RBM42: variants seen among roughly 807,000 people sequenced by gnomAD.
RBM42 encodes RNA-binding protein 42.
In RBM42, 21 loss-of-function variants were observed where a neutral mutation model predicts 41.4. The observed-to-expected ratio is 0.51, with a 90% confidence interval of 0.36 to 0.73. The LOEUF (loss-of-function observed/expected upper bound fraction) is 0.73. Among genes scored for constraint, RBM42 ranks in the 30% least tolerant of loss-of-function variants. The pLI, the probability that RBM42 is intolerant of heterozygous loss-of-function variation, is 0.00. For synonymous variants in RBM42, 272 were observed against 271.2 expected (o/e 1.00, Z -0.03); for missense variants, 539 against 680.4 (o/e 0.79, Z 2.31).
rs1017096680 is a variant in RBM42, at chr19:35,634,164, G to A, written c.1018-92G>A. On this transcript the variant is annotated intron_variant, in intron 7 of 9. Transcript: ENST00000262633. ...TGCCCCACATCCAGAAGCACATCCA[G>A]CCCTTACTGTGGTGGCAGGAGGGCC... 1.0e-5 allele frequency: 16 copies of A among 1,562,596 alleles called. No homozygotes were observed. In the African/African-American group the frequency reaches 1.9e-4, roughly 19 times the overall value.
chr19:35,633,916 T>C lies in RBM42; in HGVS notation c.914T>C (p.Val305Ala), dbSNP rs757992814. Residue 305 changes from valine to alanine, a missense_variant, in exon 7 of 10, where the codon GTC (valine) becomes GCC (alanine). By Grantham distance (64) the Val-to-Ala change is moderately conservative (BLOSUM62 0). Transcript: ENST00000262633. Reference protein sequence around the residue: ...PEPLPLPLEVVRGLLPPLRIP... With the variant: ...PEPLPLPLEVARGLLPPLRIP... ...CCCCTGCCCCTCCCGTTGGAGGTCG[T>C]CCGCGGCCTCCTGCCCCCGCTGCGC... 3 of 1,590,934 alleles carry C rather than the reference T, an allele frequency of 1.9e-6. No individual in the cohort carries two copies. The highest frequency in any genetic ancestry group is 1.7e-6 in the Non-Finnish European group (2 of 1,173,178).
intron 6 of RBM42, 41 bp from the exon 7 acceptor site, chr19:35,633,645 GC>G (rs1313900995): frequency 4.3e-6 from 6 of 1,387,954 alleles, no homozygotes; most frequent in Middle Eastern, 1.9e-4. Context: ...TAAAGTCTGA[GC>G]CTGTGAGCCG....
intron 4 of RBM42, 130 bp downstream of exon 4, chr19:35,631,535 G>C: frequency 1.2e-6 from 1 of 858,082 alleles, no homozygotes; most frequent in Non-Finnish European, 1.8e-6. Flanking sequence ...TCATCCTAAA[G>C]CACGAACCTG....
Position 35,629,589 on chromosome 19 carries a change from C to A in RBM42, c.198C>A (p.Val66=). ...IPTAVPAVPT[V]PTVPTVEAMQ... is the part of the protein sequence containing the mutation. Reference sequence around the variant, plus strand: ...CTGCTGTGCCTGCGGTGCCCACTGTCCCCACGGTCCCCACAGTAGAAGCGA... The same window carrying A: ...CTGCTGTGCCTGCGGTGCCCACTGTACCCACGGTCCCCACAGTAGAAGCGA... Residue 66 remains valine (V), a synonymous_variant, in exon 2 of 10, where the codon GTC becomes GTA. Coordinates refer to ENST00000262633, the MANE Select transcript of RBM42 (RefSeq NM_024321.5). 1 of 1,613,830 alleles carries A rather than the reference C, an allele frequency of 6.2e-7. No individual in the cohort carries two copies. The highest frequency in any genetic ancestry group is 8.5e-7 in the Non-Finnish European group (1 of 1,179,706).
In RBM42 at chr19:35,632,992, C is replaced by CAGAGAGCAG. The variant is rs1568334376; in HGVS notation, c.500_508dup (p.Ala169_Asp170insGluArgAla). 6.2e-7 allele frequency: 1 copy of CAGAGAGCAG among 1,610,060 alleles called. No individual in the cohort carries two copies. The highest frequency in any genetic ancestry group is 2.2e-5 in the East Asian group (1 of 44,854). ...TCCAGCCTTCGTCCCCCACGTGCTA[C>CAGAGAGCAG]AGAGAGCAGGTGAGGGGCCAGGGTC... On this transcript the variant is annotated inframe_insertion, in exon 5 of 10. Transcript: ENST00000262633.
Position 35,637,007 on chromosome 19 carries a change from T to C in RBM42, c.1136-151T>C. The stretch of plus-strand genomic sequence containing the variant: ...ACACCCCTCCAGGTGCCAGCAGAGC[T>C]CCTGGCGCAGGGTCAGTAGGTGTTG... On this transcript the variant is annotated intron_variant, in intron 8 of 9. Coordinates refer to ENST00000262633, the MANE Select transcript of RBM42 (RefSeq NM_024321.5). This position sits in a 1 kb window ranked among gnomAD's most constrained non-coding sequence, Gnocchi z 7.0. The C allele has an allele frequency of 1.5e-6, 1 of 686,356 alleles. No homozygotes were observed. Among genetic ancestry groups the C allele is most frequent in the Non-Finnish European group, 2.4e-6 (1 of 415,056 alleles). The allele number at this position is 686,356 out of a possible 1,614,324, so 42.5% of individuals were successfully genotyped here.
At position 35,637,148 on chromosome 19, in the gene RBM42, C is replaced by G. The variant is rs750725087; in HGVS notation, c.1136-10C>G. 1 of 1,607,594 alleles carries G rather than the reference C, an allele frequency of 6.2e-7. No individual in the cohort carries two copies. The highest frequency in any genetic ancestry group is 8.5e-7 in the Non-Finnish European group (1 of 1,176,544). On this transcript the variant is annotated splice_polypyrimidine_tract_variant and intron_variant, in intron 8 of 9. Transcript: ENST00000262633. The surrounding 1 kb of genome is among the most constrained non-coding windows in gnomAD (Gnocchi z 7.0). ...TGCATCCTCTGATGTCATCTCTTCC[C>G]CATCCCCAGATGACTTCCGGATCTT...
chr19:35,633,737 G>C lies in RBM42; in HGVS notation c.735G>C (p.Leu245=). Reference sequence around the variant, plus strand: ...TGGGCCTAGGCCTGGGGTTGGGCCTGAAAGAGAAGGAAGAGGCAGTGGTGG... The same window carrying C: ...TGGGCCTAGGCCTGGGGTTGGGCCTCAAAGAGAAGGAAGAGGCAGTGGTGG... The part of the protein sequence containing the change: ...RELGLGLGLG[L]KEKEEAVVAA... Residue 245 remains leucine, a synonymous_variant, in exon 7 of 10, where the codon CTG becomes CTC. Coordinates refer to ENST00000262633, the MANE Select transcript of RBM42 (RefSeq NM_024321.5). The C allele has an allele frequency of 6.7e-7, 1 of 1,490,600 alleles. No individual in the cohort carries two copies. Among genetic ancestry groups the C allele is most frequent in the Non-Finnish European group, 8.9e-7 (1 of 1,126,350 alleles). The allele number at this position is 1,490,600 out of a possible 1,614,324, so 92.3% of individuals were successfully genotyped here. A position where few individuals can be genotyped will look rare whatever the true frequency, so the allele number is the denominator to read the frequency against.
At position 35,633,972 on chromosome 19, in the gene RBM42, C is replaced by T. The variant is rs1412003583; in HGVS notation, c.970C>T (p.Pro324Ser). 21 of 1,544,856 alleles carry T rather than the reference C, an allele frequency of 1.4e-5. No individual in the cohort carries two copies. The highest frequency in any genetic ancestry group is 1.9e-5 in the Admixed American group (1 of 51,614). ...TGAACTCCTGTCCCTGCGTCCTCGG[C>T]CCCGGCCCCCTCGGCCAGAGCCACC... Reference protein sequence around the residue: ...IPELLSLRPRPRPPRPEPPPG... With the variant: ...IPELLSLRPRSRPPRPEPPPG... Residue 324 changes from proline (P) to serine (S), a missense_variant, in exon 7 of 10, where the codon CCC (proline) becomes TCC (serine). Coordinates refer to ENST00000262633, the MANE Select transcript of RBM42 (RefSeq NM_024321.5).
rs747645092 is a variant in RBM42 at position 35,633,708 on chromosome 19, G to A, written c.706G>A (p.Glu236Lys). The A allele has an allele frequency of 9.5e-6, 14 of 1,470,008 alleles. No individual in the cohort carries two copies. Among genetic ancestry groups the A allele is most frequent in the Non-Finnish European group, 9.0e-6 (10 of 1,115,670 alleles). The allele number at this position is 1,470,008 out of a possible 1,614,324, so 91.1% of individuals were successfully genotyped here. ...ACAGGAAGAGCCAGCAGCACCCCGA[G>A]AGCTGGGCCTAGGCCTGGGGTTGGG... ...PPLEEPAAPR[E>K]LGLGLGLGLK... is the part of the protein sequence containing the mutation. Residue 236 changes from glutamate to lysine, a missense_variant, in exon 7 of 10, where the codon GAG becomes AAG. Coordinates refer to ENST00000262633, the MANE Select transcript of RBM42 (RefSeq NM_024321.5).
At chr19:35,632,360 C>T (rs1442042851) in intron 4 of RBM42, among the ~76,000 whole-genome samples, 1 of 152,184 alleles carries the variant, frequency 6.6e-6, no homozygotes, top group Non-Finnish European at 1.5e-5. Context: ...GCTGGCTGCT[C>T]AGCCCTTCTC....
At chr19:35,631,633 C>T (rs2146349524) in intron 4 of RBM42, 2 of 588,786 alleles carry the variant, frequency 3.4e-6, no homozygotes, top group Non-Finnish European at 3.0e-6. Context: ...TCCCAGTTAC[C>T]ACAGCACTTA....
chr19:35,637,137 T>C lies in RBM42; in HGVS notation c.1136-21T>C. ...GGCAAGGCCTCTGCATCCTCTGATG[T>C]CATCTCTTCCCCATCCCCAGATGAC... On this transcript the variant is annotated intron_variant, in intron 8 of 9. Coordinates refer to ENST00000262633, the MANE Select transcript of RBM42 (RefSeq NM_024321.5). This position sits in a 1 kb window ranked among gnomAD's most constrained non-coding sequence, Gnocchi z 7.0. 6.3e-7 allele frequency: 1 copy of C among 1,597,472 alleles called. No homozygotes were observed. The highest frequency in any genetic ancestry group is 1.1e-5 in the South Asian group (1 of 88,888).
chr19:35,633,235 G>T lies in RBM42; in HGVS notation c.667G>T (p.Ala223Ser), dbSNP rs1397833707. The T allele has an allele frequency of 1.9e-6, 3 of 1,593,316 alleles. No individual in the cohort carries two copies. In the South Asian group the frequency reaches 3.4e-5, roughly 18 times the overall value. Reference protein sequence around the residue: ...APGPPLGSMAALRPPLEEPAA... With the variant: ...APGPPLGSMASLRPPLEEPAA... ...AGGGCCCCCGCTGGGCTCCATGGCT[G>T]CACTGAGGCCCCCTCTGGTGAGTGT... Residue 223 changes from alanine to serine, a missense_variant, in exon 6 of 10, where the codon GCA (alanine) becomes TCA (serine). Physicochemically the swap from Ala to Ser is moderately conservative, Grantham distance 99. Around this residue, in one of 2 missense-constraint regions of RBM42, gnomAD observed 429 missense variants for 488.9 expected, o/e 0.88. Transcript: ENST00000262633.
In RBM42 at chr19:35,633,237, A is replaced by T; in HGVS notation, c.669A>T (p.Ala223=). ...APGPPLGSMA[A]LRPPLEEPAA... is the part of the protein sequence containing the mutation. ...GGCCCCCGCTGGGCTCCATGGCTGC[A>T]CTGAGGCCCCCTCTGGTGAGTGTGA... Residue 223 remains alanine, a synonymous_variant, in exon 6 of 10, where the codon GCA becomes GCT. Coordinates refer to ENST00000262633, the MANE Select transcript of RBM42 (RefSeq NM_024321.5). 1.3e-6 allele frequency: 2 copies of T among 1,591,978 alleles called. No homozygotes were observed. Among genetic ancestry groups the T allele is most frequent in the Non-Finnish European group, 1.7e-6 (2 of 1,170,272 alleles).
Position 35,633,785 on chromosome 19 carries a change from G to A in RBM42, c.783G>A (p.Glu261=), listed in dbSNP as rs750989120. The A allele has an allele frequency of 2.0e-6, 3 of 1,499,094 alleles. No homozygotes were observed. The highest frequency in any genetic ancestry group is 4.8e-5 in the Admixed American group (2 of 41,642). 92.9% of individuals were successfully genotyped at this position (1,499,094 alleles called of 1,614,324 possible). A position where few individuals can be genotyped will look rare whatever the true frequency, so the allele number is the denominator to read the frequency against. Residue 261 remains glutamate (E), a synonymous_variant, in exon 7 of 10, where the codon GAG becomes GAA. Transcript: ENST00000262633. ...AVVAAAAGLE[E]ASAAVAVGAG... is the part of the protein sequence containing the mutation. ...TGGCGGCGGCGGCTGGGCTGGAGGAGGCTAGCGCGGCTGTGGCCGTGGGGG... is the reference window on the plus strand; with the variant it reads ...TGGCGGCGGCGGCTGGGCTGGAGGAAGCTAGCGCGGCTGTGGCCGTGGGGG...
chr19:35,633,978 C>G lies in RBM42; in HGVS notation c.976C>G (p.Pro326Ala). 6.5e-7 allele frequency: 1 copy of G among 1,537,582 alleles called. No individual in the cohort carries two copies. The highest frequency in any genetic ancestry group is 8.7e-7 in the Non-Finnish European group (1 of 1,147,450). The change falls in exon 7 of 10, where the codon CCC (proline) becomes GCC (alanine). Residue 326 changes from proline to alanine, a missense_variant. By Grantham distance (27) the Pro-to-Ala change is conservative. Transcript: ENST00000262633. ...CCTGTCCCTGCGTCCTCGGCCCCGG[C>G]CCCCTCGGCCAGAGCCACCCCCAGG... ...ELLSLRPRPR[P>A]PRPEPPPGLM...
At chr19:35,634,691 C>T (rs1967466663) in intron 8 of RBM42, among the ~76,000 whole-genome samples, 1 of 147,796 alleles carries the variant, frequency 6.8e-6, no homozygotes, top group Admixed American at 6.7e-5. Context: ...CAGAGTACCA[C>T]TCTGTCGCCC....
chr19:35,631,177 C>T lies in RBM42; in HGVS notation c.320C>T (p.Ala107Val). 2 of 1,614,190 alleles carry T rather than the reference C, an allele frequency of 1.2e-6. No individual in the cohort carries two copies. Among genetic ancestry groups the T allele is most frequent in the Non-Finnish European group, 1.7e-6 (2 of 1,180,030 alleles). Reference sequence around the variant, plus strand: ...CTGGAGGCCCGAGCAGCTGCTGCAGCCACAGTAGTTCCTCCCATGGTGGGT... The same window carrying T: ...CTGGAGGCCCGAGCAGCTGCTGCAGTCACAGTAGTTCCTCCCATGGTGGGT... ...QTLEARAAAA[A>V]TVVPPMVGGP... Residue 107 changes from alanine (A) to valine (V), a missense_variant, in exon 3 of 10, where the codon GCC (alanine) becomes GTC (valine). Coordinates refer to ENST00000262633, the MANE Select transcript of RBM42 (RefSeq NM_024321.5).
Sources: allele counts gnomAD v4.1 joint callset (sites outside exome capture counted in the v4.1 genomes callset), GRCh38; gene constraint gnomAD v4.1.1; regional missense constraint gnomAD v4.1.1; non-coding constraint Gnocchi (gnomAD v3.1); transcripts MANE v1.5; gene names NCBI Gene and HGNC (gene_info 2026-07-23, HGNC 2026-07-21).